Variants in BMPR1A observed in about 807,000 individuals in gnomAD.
BMPR1A encodes bone morphogenetic protein receptor type 1A.
Under a neutral mutation model 66.0 loss-of-function variants are expected in BMPR1A, and 7 were observed. The ratio of observed to expected loss-of-function variants is 0.11; its 90% CI spans 0.06 to 0.20. The LOEUF (loss-of-function observed/expected upper bound fraction) is 0.20, where lower values mean the gene tolerates loss of function less well. Ranked by LOEUF, BMPR1A falls within the 10% of genes least tolerant of loss-of-function variation. BMPR1A has a pLI of 1.00. For missense variants in BMPR1A, 408 were observed against 669.1 expected, an observed-to-expected ratio of 0.61 and a Z score of 4.31; for synonymous variants, 200 against 229.7, an observed-to-expected ratio of 0.87 and a Z score of 1.17.
At chr10:86,887,882 G>C (rs1843088895) in intron 3 of BMPR1A, among the ~76,000 whole-genome samples, 1 of 152,188 alleles carries the variant, frequency 6.6e-6, no homozygotes, top group South Asian at 2.1e-4. Flanking sequence ...AGACCATCCA[G>C]CTAGGTAAAG....
At chr10:86,757,993 T>A (rs1847906122) in intron 1 of BMPR1A, among the ~76,000 whole-genome samples, 1 of 152,246 alleles carries the variant, frequency 6.6e-6, no homozygotes, top group Non-Finnish European at 1.5e-5. Flanking sequence ...TTTATTGTAT[T>A]TACTTGTGAG....
rs116694101 is a variant in BMPR1A at position 86,784,991 on chromosome 10, C to T, written c.-268+28072C>T. On this transcript the variant is annotated intron_variant, in intron 1 of 12. Coordinates refer to ENST00000372037, the MANE Select transcript of BMPR1A (RefSeq NM_004329.3). Reference sequence around the variant, plus strand: ...ACTGCTATAAACTTCCCTCTTAGCACGGCTTTTCTGTATCCCTTAAGTTTT... The same window carrying T: ...ACTGCTATAAACTTCCCTCTTAGCATGGCTTTTCTGTATCCCTTAAGTTTT... Among the ~76,000 whole-genome samples, 1,005 of 152,188 alleles carry T rather than the reference C, an allele frequency of 6.6e-3. 11 individuals carry two copies. Among genetic ancestry groups the T allele is most frequent in the African/African-American group, 0.022 (895 of 41,494 alleles).
intron 4 of BMPR1A, 87 bp downstream of exon 4, chr10:86,890,311 G>GTT: frequency 3.3e-6 from 5 of 1,496,850 alleles, no homozygotes; most frequent in Non-Finnish European, 4.6e-6. Flanking sequence ...CTTGTCTGCG[G>GTT]TTTTTTTTTC....
At chr10:86,757,662 G>A (rs1847899139) in intron 1 of BMPR1A, among the ~76,000 whole-genome samples, 1 of 152,176 alleles carries the variant, frequency 6.6e-6, no homozygotes, top group African/African-American at 2.4e-5. Context: ...AACTCCTGCA[G>A]GTTTTCTCTT....
intron 5 of BMPR1A, 65 bp downstream of exon 5, chr10:86,892,294 C>G: frequency 7.5e-7 from 1 of 1,327,096 alleles, no homozygotes; most frequent in Non-Finnish European, 1.1e-6. Flanking sequence ...ATCGATTTCC[C>G]CCAGGAGAAA....
At chr10:86,788,281 A>C (rs899578228) in intron 1 of BMPR1A, among the ~76,000 whole-genome samples, 8 of 152,206 alleles carry the variant, frequency 5.3e-5, no homozygotes, top group Admixed American at 5.2e-4. Context: ...ATGGAAATGA[A>C]CTTTTCTATT....
chr10:86,821,025 C>T (rs571570057), intron 1 of BMPR1A, among the ~76,000 whole-genome samples: 6 of 152,304 alleles, frequency 3.9e-5, no homozygotes, highest in Admixed American at 2.0e-4. Context: ...TCATTTCCAT[C>T]GCTCTCTTTT....
At chr10:86,809,518 T>C (rs1473672973) in intron 1 of BMPR1A, among the ~76,000 whole-genome samples, 1 of 151,950 alleles carries the variant, frequency 6.6e-6, no homozygotes, top group Non-Finnish European at 1.5e-5. Context: ...GGTCTTGAAT[T>C]CCTGGGCTCA....
intron 8 of BMPR1A, among the ~76,000 whole-genome samples, chr10:86,913,960 A>G (rs914592149): frequency 2.2e-4 from 33 of 152,204 alleles, no homozygotes; most frequent in African/African-American, 7.0e-4. Flanking sequence ...ACAATTTTGA[A>G]GTAGAAGAAC....
At chr10:86,932,169 C>A (rs1375126150), downstream of BMPR1A, 2 of 152,158 alleles carry the variant, frequency 1.3e-5, no homozygotes, top group South Asian at 2.1e-4. Flanking sequence ...GTCCATGTAT[C>A]GTGTATGCAC....
chr10:86,822,908 A>G (rs1382975942), intron 1 of BMPR1A, among the ~76,000 whole-genome samples: 1 of 152,016 alleles, frequency 6.6e-6, no homozygotes, highest in Admixed American at 6.6e-5. Context: ...GGGATTATAG[A>G]TGCAAGCCAC....
chr10:86,799,875 A>T (rs943276317), intron 1 of BMPR1A, among the ~76,000 whole-genome samples: 5 of 152,170 alleles, frequency 3.3e-5, no homozygotes, highest in African/African-American at 1.2e-4. Context: ...CAAAATGCAA[A>T]TATAGTAAAT....
At chr10:86,853,549 T>C (rs1340116367) in intron 2 of BMPR1A, among the ~76,000 whole-genome samples, 2 of 152,124 alleles carry the variant, frequency 1.3e-5, no homozygotes, top group African/African-American at 2.4e-5. Flanking sequence ...TATCCTTCCT[T>C]ATTGGGGAAC....
At chr10:86,797,862 A>T (rs994180647) in intron 1 of BMPR1A, among the ~76,000 whole-genome samples, 1 of 152,110 alleles carries the variant, frequency 6.6e-6, no homozygotes, top group African/African-American at 2.4e-5. Flanking sequence ...ACTAGTGAGA[A>T]TTGGGTTGGT....
chr10:86,914,467 C>CAA (rs1198105225), intron 8 of BMPR1A, among the ~76,000 whole-genome samples: 1 of 152,018 alleles, frequency 6.6e-6, no homozygotes, highest in African/African-American at 2.4e-5. Context: ...CACAGATTGG[C>CAA]AAAACAGATC....
At chr10:86,901,254 C>G (rs936426491) in intron 7 of BMPR1A, among the ~76,000 whole-genome samples, 5 of 152,236 alleles carry the variant, frequency 3.3e-5, no homozygotes, top group Non-Finnish European at 7.3e-5. Context: ...TGACCCTGAG[C>G]TACCCAATCA....
rs1190481905 is a variant in BMPR1A at position 86,790,234 on chromosome 10, T to TATATGTAA, written c.-268+33317_-268+33318insATGTAAAT. Among the ~76,000 whole-genome samples, 20 of 48,016 alleles carry TATATGTAA rather than the reference T, an allele frequency of 4.2e-4. 3 individuals are homozygous for TATATGTAA. In the East Asian group the frequency reaches 4.4e-3, roughly 10 times the overall value. The allele number at this position is 48,016 out of a possible 152,430, so 31.5% of individuals were successfully genotyped here. On this transcript the variant is annotated intron_variant, in intron 1 of 12. Coordinates refer to ENST00000372037, the MANE Select transcript of BMPR1A (RefSeq NM_004329.3). Reference sequence around the variant, plus strand: ...ATATATATATATATATATATATATATATCAAAACCACAATGAGATTCTGCT... The same window carrying TATATGTAA: ...ATATATATATATATATATATATATATATATGTAAATCAAAACCACAATGAGATTCTGCT...
chr10:86,917,476 A>G (rs1476605855), intron 9 of BMPR1A, 150 bp downstream of exon 9: 4 of 960,506 alleles, frequency 4.2e-6, no homozygotes, highest in Admixed American at 2.1e-5. Flanking sequence ...TGAATAAAAC[A>G]TAGTCCGGAA....
At chr10:86,843,734 A>T (rs1201625823) in intron 2 of BMPR1A, among the ~76,000 whole-genome samples, 1 of 152,162 alleles carries the variant, frequency 6.6e-6, no homozygotes, top group Non-Finnish European at 1.5e-5. Context: ...TTTTTGTAGG[A>T]ATGTGGTGAA....
Sources: gnomAD v4.1 joint callset for allele counts (sites outside exome capture counted in the v4.1 genomes callset) on GRCh38, gnomAD v4.1.1 for gene constraint, MANE v1.5 for transcripts, NCBI Gene and HGNC (gene_info 2026-07-23, HGNC 2026-07-21) for gene names.